RNGTT: variants seen among roughly 807,000 people sequenced by gnomAD.
The protein encoded by RNGTT is mRNA-capping enzyme.
A neutral mutation model predicts 79.3 loss-of-function variants in RNGTT; 33 were observed. The observed-to-expected ratio is 0.42, with a 90% CI of 0.32 to 0.56. RNGTT has a LOEUF of 0.56. Among genes scored for constraint, RNGTT ranks in the 20% least tolerant of loss-of-function variants. The probability of loss-of-function intolerance (pLI) is 0.17; values close to 1 mark genes in which losing one functional copy is unlikely to be tolerated. For synonymous variants in RNGTT, 222 were observed against 235.9 expected, an observed-to-expected ratio of 0.94 and a Z score of 0.54; for missense variants, 497 against 739.1, an observed-to-expected ratio of 0.67 and a Z score of 3.80.
chr6:88,633,848 C>T (rs1201270346), intron 14 of RNGTT, among the ~76,000 whole-genome samples: 3 of 152,044 alleles, frequency 2.0e-5, no homozygotes, highest in Non-Finnish European at 2.9e-5. Context: ...TTAGGACATA[C>T]AATATCATCT....
At chr6:88,871,761 A>T (rs1199469431) in intron 8 of RNGTT, among the ~76,000 whole-genome samples, 1 of 152,104 alleles carries the variant, frequency 6.6e-6, no homozygotes, top group African/African-American at 2.4e-5. Flanking sequence ...ATCTGACTAA[A>T]AGCAGAAACT....
At chr6:88,732,641 T>TA in intron 13 of RNGTT, among the ~76,000 whole-genome samples, 1 of 152,306 alleles carries the variant, frequency 6.6e-6, no homozygotes, top group East Asian at 1.9e-4. Context: ...TAAAATGTGG[T>TA]ATATAGATAT....
chr6:88,873,750 AT>A (rs138117797), intron 8 of RNGTT, among the ~76,000 whole-genome samples: 2,880 of 152,274 alleles, frequency 0.019, 84 homozygotes, highest in African/African-American at 0.066. Flanking sequence ...TTTTTAAGAC[AT>A]TATCATTTTT....
chr6:88,872,827 G>A (rs757077217), intron 8 of RNGTT, among the ~76,000 whole-genome samples: 2 of 152,138 alleles, frequency 1.3e-5, no homozygotes, highest in Non-Finnish European at 2.9e-5. Flanking sequence ...AGAGGTAGCA[G>A]GATTCACAGA....
intron 11 of RNGTT, among the ~76,000 whole-genome samples, chr6:88,806,711 A>C (rs540747277): frequency 6.6e-6 from 1 of 152,322 alleles, no homozygotes; most frequent in African/African-American, 2.4e-5. Context: ...TAAAGGCAGA[A>C]GTATCATTTG....
intron 11 of RNGTT, among the ~76,000 whole-genome samples, chr6:88,836,643 A>C (rs923233915): frequency 6.6e-6 from 1 of 151,952 alleles, no homozygotes; most frequent in African/African-American, 2.4e-5. Flanking sequence ...TCAGGAGGCT[A>C]AGGCGGGATG....
Position 88,880,201 on chromosome 6 carries a change from T to C in RNGTT, c.896+10294A>G, listed in dbSNP as rs560766975. Among the ~76,000 whole-genome samples the C allele has an allele frequency of 6.3e-4, 90 of 143,442 alleles. 2 individuals carry two copies. The highest frequency in any genetic ancestry group is 2.2e-3 in the South Asian group (10 of 4,476). The allele number at this position is 143,442 out of a possible 152,430, so 94.1% of individuals were successfully genotyped here. A position where few individuals can be genotyped will look rare whatever the true frequency, so the allele number is the denominator to read the frequency against. On this transcript the variant is annotated intron_variant, in intron 8 of 15. Transcript: ENST00000369485. ...CTGAATGAATGAATGAATGAATGAA[T>C]GAATGAATGAATGAAAGGAAGAAGG...
At position 88,844,372 on chromosome 6, in the gene RNGTT, G is replaced by T. The variant is rs777491786; in HGVS notation, c.1254C>A (p.Ile418=). ...FSVRNKPFFD[I]CTSRKLLEGN... ...TAAACTTTACCTTTCTTGAAGTACA[G>T]ATGTCAAAAAACGGCTTATTTCTGA... The change falls in exon 11 of 16, where the codon ATC becomes ATA. Residue 418 remains isoleucine (I), a synonymous_variant. Coordinates refer to ENST00000369485, the MANE Select transcript of RNGTT (RefSeq NM_003800.5). The T allele has an allele frequency of 6.2e-7, 1 of 1,612,684 alleles. No homozygotes were observed. Among genetic ancestry groups the T allele is most frequent in the South Asian group, 1.1e-5 (1 of 90,628 alleles).
At position 88,806,930 on chromosome 6, in the gene RNGTT, G is replaced by A. The variant is rs775179525; in HGVS notation, c.1270-5298C>T. 6.6e-5 allele frequency among the ~76,000 whole-genome samples: 10 copies of A among 152,130 alleles called. No homozygotes were observed. In the East Asian group the frequency reaches 1.5e-3, roughly 23 times the overall value. Reference sequence around the variant, plus strand: ...TGCAGCCACAAAAAGGAACAAGATCGTATCCTTCAGGGACATGGATGGAGC... The same window carrying A: ...TGCAGCCACAAAAAGGAACAAGATCATATCCTTCAGGGACATGGATGGAGC... On this transcript the variant is annotated intron_variant, in intron 11 of 15. Transcript: ENST00000369485.
chr6:88,805,310 A>G (rs1295925631), intron 11 of RNGTT, among the ~76,000 whole-genome samples: 1 of 152,208 alleles, frequency 6.6e-6, no homozygotes, highest in Non-Finnish European at 1.5e-5. Context: ...GGCGAGTGGA[A>G]CAGTTTAGAA....
intron 14 of RNGTT, among the ~76,000 whole-genome samples, chr6:88,661,663 A>C (rs764621436): frequency 2.0e-4 from 30 of 152,214 alleles, no homozygotes; most frequent in Non-Finnish European, 3.7e-4. Context: ...ACAAGTAGTG[A>C]GATTGATATA....
chr6:88,620,197 A>G (rs898533679), intron 14 of RNGTT, among the ~76,000 whole-genome samples: 6 of 152,214 alleles, frequency 3.9e-5, no homozygotes, highest in African/African-American at 2.4e-5. Flanking sequence ...TCCTTCATGA[A>G]TGGTGGTGTC....
At chr6:88,615,673 C>A (rs80353048) in intron 14 of RNGTT, among the ~76,000 whole-genome samples, 1 of 152,132 alleles carries the variant, frequency 6.6e-6, no homozygotes, top group Non-Finnish European at 1.5e-5. Context: ...TTTTGCTATA[C>A]CACATGTAAG....
intron 8 of RNGTT, among the ~76,000 whole-genome samples, chr6:88,862,716 T>C (rs1354834726): frequency 6.6e-6 from 1 of 152,178 alleles, no homozygotes; most frequent in African/African-American, 2.4e-5. Context: ...AGAAATTCAA[T>C]GGACTCATAT....
intron 14 of RNGTT, 88 bp from the exon 15 acceptor site, chr6:88,614,483 A>G: frequency 8.0e-7 from 1 of 1,245,398 alleles, no homozygotes; most frequent in Non-Finnish European, 1.1e-6. Flanking sequence ...AGGAAATGAT[A>G]AAAATACCTC....
At chr6:88,866,282 A>G (rs975508992) in intron 8 of RNGTT, among the ~76,000 whole-genome samples, 3 of 152,128 alleles carry the variant, frequency 2.0e-5, no homozygotes, top group African/African-American at 7.2e-5. Context: ...ATGTAGTCCC[A>G]TATCTCCCAA....
chr6:88,632,350 C>A (rs1772922210), intron 14 of RNGTT, among the ~76,000 whole-genome samples: 2 of 152,162 alleles, frequency 1.3e-5, no homozygotes, highest in Non-Finnish European at 2.9e-5. Context: ...GCAGAACTAG[C>A]ACCAGGGTCC....
intron 14 of RNGTT, among the ~76,000 whole-genome samples, chr6:88,667,715 A>T (rs1582303680): frequency 6.6e-6 from 1 of 152,166 alleles, no homozygotes; most frequent in Non-Finnish European, 1.5e-5. Context: ...TTTGTGGCTG[A>T]CTTGGTACAG....
intron 1 of RNGTT, among the ~76,000 whole-genome samples, chr6:88,954,159 G>C (rs918260264): frequency 6.6e-6 from 1 of 152,034 alleles, no homozygotes; most frequent in Non-Finnish European, 1.5e-5. Flanking sequence ...AATAGAAATG[G>C]CCCAAATGCT....
Sources: gnomAD v4.1 joint callset for allele counts (sites outside exome capture counted in the v4.1 genomes callset) on GRCh38, gnomAD v4.1.1 for gene constraint, MANE v1.5 for transcripts, NCBI Gene and HGNC (gene_info 2026-07-23, HGNC 2026-07-21) for gene names.